SLC25A42: variants seen among roughly 807,000 people sequenced by gnomAD.
The protein encoded by SLC25A42 is solute carrier family 25 member 42.
Under a neutral mutation model 34.7 loss-of-function variants are expected in SLC25A42, and 19 were observed. The observed-to-expected ratio is 0.55, with a 90% CI of 0.38 to 0.80. The LOEUF (loss-of-function observed/expected upper bound fraction) is 0.80. Among genes scored for constraint, SLC25A42 ranks in the 30% least tolerant of loss-of-function variants. The pLI is 0.00. For synonymous variants in SLC25A42, 205 were observed against 191.2 expected (o/e 1.07, Z -0.59); for missense variants, 364 against 441.3 (o/e 0.82, Z 1.57).
At chr19:19,096,836 C>T (rs1160934382) in intron 2 of SLC25A42, among the ~76,000 whole-genome samples, 1 of 152,036 alleles carries the variant, frequency 6.6e-6, no homozygotes, top group Non-Finnish European at 1.5e-5. Flanking sequence ...ACTTGGGAGG[C>T]TGAGGCAGTT....
At chr19:19,073,015 T>G (rs895528205) in intron 1 of SLC25A42, among the ~76,000 whole-genome samples, 2 of 152,176 alleles carry the variant, frequency 1.3e-5, no homozygotes, top group African/African-American at 2.4e-5. Flanking sequence ...ATGTGGAGGT[T>G]TAGTGACACA....
At chr19:19,108,606 C>A (rs544332670) in intron 7 of SLC25A42, among the ~76,000 whole-genome samples, 4 of 151,596 alleles carry the variant, frequency 2.6e-5, no homozygotes, top group African/African-American at 4.9e-5. Context: ...AGCATTGATA[C>A]CTCACCTCTT....
At position 19,070,749 on chromosome 19, in the gene SLC25A42, G is replaced by C. The variant is rs920972026; in HGVS notation, c.-35+6634G>C. ...GGTTCCAGGTGGACATGAATTTGGG[G>C]GATGTCATTCAACCCTTATACTTGC... On this transcript the variant is annotated intron_variant, in intron 1 of 7. Coordinates refer to ENST00000318596, the MANE Select transcript of SLC25A42 (RefSeq NM_178526.5). Among the ~76,000 whole-genome samples the C allele has an allele frequency of 2.2e-4, 33 of 152,238 alleles. 1 individual carries two copies. The highest frequency in any genetic ancestry group is 6.8e-3 in the Middle Eastern group (2 of 294).
At chr19:19,091,088 C>T (rs2059735927) in intron 1 of SLC25A42, among the ~76,000 whole-genome samples, 1 of 152,200 alleles carries the variant, frequency 6.6e-6, no homozygotes, top group Non-Finnish European at 1.5e-5. Flanking sequence ...GGGACCTCCT[C>T]CCCCAGTTCT....
chr19:19,065,495 G>A (rs774008742), intron 1 of SLC25A42, among the ~76,000 whole-genome samples: 6 of 152,180 alleles, frequency 3.9e-5, no homozygotes, highest in Non-Finnish European at 8.8e-5. Flanking sequence ...ATAGAAGGAG[G>A]ACAGTGGCTT....
Position 19,096,153 on chromosome 19 carries a change from T to G in SLC25A42, c.29T>G (p.Val10Gly). The G allele has an allele frequency of 4.3e-6, 7 of 1,613,484 alleles. No homozygotes were observed. The highest frequency in any genetic ancestry group is 5.9e-6 in the Non-Finnish European group (7 of 1,179,968). The change falls in exon 2 of 8, where the codon GTG becomes GGG. Residue 10 changes from valine (V) to glycine (G), a missense_variant. Transcript: ENST00000318596. MGNGVKEGP[V>G]RLHEDAEAVL... ...GGTAATGGTGTGAAGGAAGGCCCGG[T>G]GCGATTGCATGAGGATGCTGAGGCT...
chr19:19,104,793 G>C, intron 3 of SLC25A42, 120 bp from the exon 4 acceptor site: 1 of 1,080,750 alleles, frequency 9.3e-7, no homozygotes, highest in Non-Finnish European at 1.3e-6. Context: ...TCCCATTCCT[G>C]GGACAAGATT....
intron 1 of SLC25A42, among the ~76,000 whole-genome samples, chr19:19,068,354 C>CA (rs565352679): frequency 0.012 from 846 of 68,788 alleles, 10 homozygotes; most frequent in Middle Eastern, 0.066. Flanking sequence ...GACTCTGTCT[C>CA]AAAAAAAAAA....
chr19:19,071,970 G>T (rs1233193030), intron 1 of SLC25A42, among the ~76,000 whole-genome samples: 1 of 152,208 alleles, frequency 6.6e-6, no homozygotes, highest in East Asian at 1.9e-4. Flanking sequence ...ATTAACCTGT[G>T]GGGGGATGCT....
chr19:19,098,146 A>C (rs2059775489), intron 2 of SLC25A42, among the ~76,000 whole-genome samples: 1 of 152,070 alleles, frequency 6.6e-6, no homozygotes, highest in Non-Finnish European at 1.5e-5. Context: ...AGCTCTTTGG[A>C]TAATAAGGTG....
chr19:19,110,002 G>T (rs1342175020), intron 7 of SLC25A42, among the ~76,000 whole-genome samples: 1 of 152,158 alleles, frequency 6.6e-6, no homozygotes, highest in African/African-American at 2.4e-5. Context: ...GATGTGAGCA[G>T]TGGCTCTAGG....
intron 5 of SLC25A42, 89 bp from the exon 6 acceptor site, chr19:19,106,180 A>G: frequency 8.8e-7 from 1 of 1,133,750 alleles, no homozygotes; most frequent in Non-Finnish European, 1.3e-6. Flanking sequence ...TCCCCGCCCC[A>G]GCAGAGACGT....
intron 1 of SLC25A42, among the ~76,000 whole-genome samples, chr19:19,068,751 T>A (rs2059614729): frequency 6.6e-6 from 1 of 151,878 alleles, no homozygotes; most frequent in South Asian, 2.1e-4. Context: ...GGCAGGAGAA[T>A]CGTTTGAACC....
chr19:19,091,121 A>G (rs527323821), intron 1 of SLC25A42, among the ~76,000 whole-genome samples: 1 of 152,318 alleles, frequency 6.6e-6, no homozygotes, highest in East Asian at 1.9e-4. Flanking sequence ...ACCCAGTTCT[A>G]GAATTCACTT....
At position 19,110,953 on chromosome 19, in the gene SLC25A42, C is replaced by T. The variant is rs1012078691; in HGVS notation, c.*77C>T. 7 of 1,516,268 alleles carry T rather than the reference C, an allele frequency of 4.6e-6. No individual in the cohort carries two copies. The Admixed American group carries it at 7.4e-5, about 16-fold the overall frequency. 93.9% of individuals were successfully genotyped at this position (1,516,268 alleles called of 1,614,324 possible). A position where few individuals can be genotyped will look rare whatever the true frequency, so the allele number is the denominator to read the frequency against. On this transcript the variant is annotated 3_prime_UTR_variant, in exon 8 of 8. Coordinates refer to ENST00000318596, the MANE Select transcript of SLC25A42 (RefSeq NM_178526.5). ...GGGCCCATGGAACGGTGGGGGGGTG[C>T]GCTTGATTCTACTTCAGGAGGCACA...
At chr19:19,104,865 G>A (rs943005435) in intron 3 of SLC25A42, 48 bp from the exon 4 acceptor site, 2 of 1,612,996 alleles carry the variant, frequency 1.2e-6, no homozygotes, top group African/African-American at 1.3e-5. Flanking sequence ...CAGATGGGAG[G>A]TTCTGTCCTT....
chr19:19,065,508 T>A lies in SLC25A42; in HGVS notation c.-35+1393T>A, dbSNP rs1159465773. Among the ~76,000 whole-genome samples, 3 of 152,200 alleles carry A rather than the reference T, an allele frequency of 2.0e-5. No individual in the cohort carries two copies. The East Asian group carries it at 5.8e-4, about 29-fold the overall frequency. On this transcript the variant is annotated intron_variant, in intron 1 of 7. Transcript: ENST00000318596. ...GCATAGAAGGAGGACAGTGGCTTTG[T>A]TGTTGAAAAGCAATAACGTGCCATT...
chr19:19,097,649 T>A (rs1178400631), intron 2 of SLC25A42, among the ~76,000 whole-genome samples: 1 of 152,250 alleles, frequency 6.6e-6, no homozygotes, highest in Non-Finnish European at 1.5e-5. Context: ...CACTCTGCAA[T>A]GTCTCTTTTC....
At position 19,111,113 on chromosome 19, in the gene SLC25A42, T is replaced by G; in HGVS notation, c.*237T>G. 7.1e-6 allele frequency: 4 copies of G among 561,942 alleles called. No homozygotes were observed. Among genetic ancestry groups the G allele is most frequent in the East Asian group, 3.2e-5 (1 of 31,494 alleles). 34.8% of individuals were successfully genotyped at this position (561,942 alleles called of 1,614,324 possible). A position where few individuals can be genotyped will look rare whatever the true frequency, so the allele number is the denominator to read the frequency against. On this transcript the variant is annotated 3_prime_UTR_variant, in exon 8 of 8. Coordinates refer to ENST00000318596, the MANE Select transcript of SLC25A42 (RefSeq NM_178526.5). ...GGGGGTCCCGCAGCTCCCCTCTTCC[T>G]TCCTCTGCAGACGCTGGCGCTGTCT...
Sources: gnomAD v4.1 joint callset for allele counts (sites outside exome capture counted in the v4.1 genomes callset) on GRCh38, gnomAD v4.1.1 for gene constraint, MANE v1.5 for transcripts, NCBI Gene and HGNC (gene_info 2026-07-23, HGNC 2026-07-21) for gene names.